PDE4D: variants seen among roughly 807,000 people sequenced by gnomAD.
PDE4D encodes 3',5'-cyclic-AMP phosphodiesterase 4D.
Under a neutral mutation model 87.4 loss-of-function variants are expected in PDE4D, and 24 were observed. The ratio of observed to expected loss-of-function variants is 0.27; its 90% CI spans 0.20 to 0.39. PDE4D has a LOEUF of 0.39. Among genes scored for constraint, PDE4D ranks in the 10% least tolerant of loss-of-function variants. PDE4D has a pLI of 1.00. For missense variants in PDE4D, 714 were observed against 1,041.0 expected (o/e 0.69, Z 4.32); for synonymous variants, 384 against 383.2 (o/e 1.00, Z -0.02).
intron 1 of PDE4D, among the ~76,000 whole-genome samples, chr5:60,390,713 A>G (rs1375927848): frequency 6.6e-6 from 1 of 151,906 alleles, no homozygotes; most frequent in East Asian, 1.9e-4. Flanking sequence ...CTGAGGGGGA[A>G]TATAAGCTAC....
rs77777714 is a variant in PDE4D, at chr5:60,517,737, G to A, written n.70+4314C>T. On this transcript the variant is annotated intron_variant and non_coding_transcript_variant, in intron 1 of 2. Coordinates refer to the PDE4D transcript ENST00000506510. ...CTTCAGGTCTCCTGGGAGCTGTACCGTCGCTCAATAAAGTTCCTCTCTGCC... is the reference window on the plus strand; with the variant it reads ...CTTCAGGTCTCCTGGGAGCTGTACCATCGCTCAATAAAGTTCCTCTCTGCC... Among the ~76,000 whole-genome samples, 883 of 152,290 alleles carry A rather than the reference G, an allele frequency of 5.8e-3. 27 individuals carry two copies. The East Asian group carries it at 0.075, about 13-fold the overall frequency.
At chr5:59,600,712 T>C (rs295949) in intron 1 of PDE4D, among the ~76,000 whole-genome samples, 2 of 152,106 alleles carry the variant, frequency 1.3e-5, no homozygotes, top group Admixed American at 6.6e-5. Flanking sequence ...AGCTGGTGGG[T>C]GAGCTCATCT....
intron 2 of PDE4D, among the ~76,000 whole-genome samples, chr5:59,993,275 T>C (rs377446198): frequency 2.6e-5 from 4 of 152,318 alleles, no homozygotes; most frequent in South Asian, 4.1e-4. Flanking sequence ...TGAGAACTAA[T>C]GGTTTTGACA....
At chr5:60,093,072 G>A (rs1775303195) in intron 2 of PDE4D, among the ~76,000 whole-genome samples, 1 of 152,194 alleles carries the variant, frequency 6.6e-6, no homozygotes. Flanking sequence ...AAGTTGTGAG[G>A]TAAGTGTGTA....
At chr5:59,555,868 G>A (rs1052403101) in intron 1 of PDE4D, among the ~76,000 whole-genome samples, 18 of 151,942 alleles carry the variant, frequency 1.2e-4, no homozygotes, top group Non-Finnish European at 1.6e-4. Flanking sequence ...AAGCATCCTC[G>A]CCTTGTTTTC....
intron 1 of PDE4D, among the ~76,000 whole-genome samples, chr5:59,244,805 G>T (rs572822702): frequency 5.2e-4 from 78 of 150,278 alleles, no homozygotes; most frequent in Non-Finnish European, 1.1e-3. Context: ...ATATATGTGT[G>T]TGTGTGAGCA....
chr5:59,131,352 A>G (rs13186000), intron 5 of PDE4D, among the ~76,000 whole-genome samples: 25,444 of 152,048 alleles, frequency 0.17, 2,186 homozygotes, highest in African/African-American at 0.19. Context: ...AGTACCAGGT[A>G]CTTTATTGAC....
chr5:59,627,772 C>A (rs1289680148), intron 1 of PDE4D, among the ~76,000 whole-genome samples: 2 of 152,166 alleles, frequency 1.3e-5, no homozygotes, highest in Non-Finnish European at 2.9e-5. Context: ...CCTTTGGTTA[C>A]TTCCTGAGCA....
At chr5:59,125,476 A>G (rs1775255025) in intron 5 of PDE4D, among the ~76,000 whole-genome samples, 1 of 152,122 alleles carries the variant, frequency 6.6e-6, no homozygotes, top group African/African-American at 2.4e-5. Context: ...TGTGCAGTGA[A>G]CCTGAGCCTG....
At chr5:59,369,393 T>C (rs1783594921) in intron 1 of PDE4D, among the ~76,000 whole-genome samples, 1 of 152,188 alleles carries the variant, frequency 6.6e-6, no homozygotes, top group Non-Finnish European at 1.5e-5. Context: ...GGGTATTTAA[T>C]AGTCTTAGGT....
chr5:60,380,188 C>T (rs558043358), intron 1 of PDE4D, among the ~76,000 whole-genome samples: 1 of 152,242 alleles, frequency 6.6e-6, no homozygotes, highest in African/African-American at 2.4e-5. Context: ...AATGGTTTGT[C>T]AACACTGAAC....
At chr5:59,477,247 A>T (rs1803425661) in intron 1 of PDE4D, among the ~76,000 whole-genome samples, 1 of 151,732 alleles carries the variant, frequency 6.6e-6, no homozygotes, top group African/African-American at 2.4e-5. Flanking sequence ...ACTCTTATAA[A>T]ACAATTTATA....
intron 1 of PDE4D, among the ~76,000 whole-genome samples, chr5:60,197,600 G>A (rs375109968): frequency 2.6e-5 from 4 of 151,452 alleles, no homozygotes; most frequent in Admixed American, 6.6e-5. Flanking sequence ...GTTCTAATGC[G>A]GCTTCAGTAG....
chr5:59,657,567 A>G (rs907181464), intron 1 of PDE4D, among the ~76,000 whole-genome samples: 3 of 152,236 alleles, frequency 2.0e-5, no homozygotes, highest in Admixed American at 6.5e-5. Context: ...TATAGTAATT[A>G]TGCCATTCAT....
At chr5:60,490,747 T>C (rs1194063191), upstream of PDE4D, 3 of 152,142 alleles carry the variant, frequency 2.0e-5, no homozygotes, top group East Asian at 5.8e-4. Flanking sequence ...ATTAAGATGA[T>C]CCCAATAAAA....
At chr5:59,005,462 T>G (rs535316040) in intron 6 of PDE4D, among the ~76,000 whole-genome samples, 38 of 152,342 alleles carry the variant, frequency 2.5e-4, no homozygotes, top group South Asian at 1.0e-3. Context: ...AAATTAAAAT[T>G]CATTTCATTT....
chr5:60,181,108 C>T (rs555441115), intron 2 of PDE4D, among the ~76,000 whole-genome samples: 63 of 152,042 alleles, frequency 4.1e-4, no homozygotes, highest in African/African-American at 1.5e-3. Flanking sequence ...CAAAATGTAC[C>T]ATCTTTTCTA....
chr5:59,890,580 G>GT (rs2152753470), intron 1 of PDE4D, among the ~76,000 whole-genome samples: 1 of 152,272 alleles, frequency 6.6e-6, no homozygotes, highest in Non-Finnish European at 1.5e-5. Context: ...ATGTCCTGTA[G>GT]TATCAGTCGA....
intron 1 of PDE4D, among the ~76,000 whole-genome samples, chr5:59,605,005 A>G (rs1342669787): frequency 6.6e-6 from 1 of 152,032 alleles, no homozygotes; most frequent in African/African-American, 2.4e-5. Context: ...CAAAACAACA[A>G]CAAAAGTCTG....
Sources: allele counts gnomAD v4.1 joint callset (sites outside exome capture counted in the v4.1 genomes callset), GRCh38; gene constraint gnomAD v4.1.1; transcripts MANE v1.5; gene names NCBI Gene and HGNC (gene_info 2026-07-23, HGNC 2026-07-21).